CDK14: variants seen among roughly 807,000 people sequenced by gnomAD.
CDK14 encodes the protein cyclin dependent kinase 14, also known as cyclin-dependent kinase 14.
CDK14 carries 34 observed loss-of-function variants against 60.7 expected under a neutral mutation model. The observed-to-expected ratio is 0.56, with a 90% CI of 0.43 to 0.75. The LOEUF (loss-of-function observed/expected upper bound fraction) is 0.75, where lower values mean the gene tolerates loss of function less well. CDK14 is among the 30% of genes least tolerant of loss of function. The pLI is 0.00. For synonymous variants in CDK14, 197 were observed against 203.7 expected, an observed-to-expected ratio of 0.97 and a Z score of 0.28; for missense variants, 482 against 564.1, an observed-to-expected ratio of 0.85 and a Z score of 1.47.
intron 2 of CDK14, among the ~76,000 whole-genome samples, chr7:90,642,048 G>T (rs1011208807): frequency 6.6e-6 from 1 of 152,136 alleles, no homozygotes; most frequent in Non-Finnish European, 1.5e-5. Context: ...TCTCCCACTG[G>T]CTCCCTCCCA....
chr7:90,893,456 A>C (rs148487753), intron 6 of CDK14, among the ~76,000 whole-genome samples: 211 of 152,266 alleles, frequency 1.4e-3, no homozygotes, highest in Non-Finnish European at 2.5e-3. Flanking sequence ...GCTTATTAGT[A>C]TGTCATCACA....
intron 8 of CDK14, among the ~76,000 whole-genome samples, chr7:90,939,945 G>T (rs901962768): frequency 6.6e-6 from 1 of 152,160 alleles, no homozygotes; most frequent in Admixed American, 6.5e-5. Context: ...TGCCATGAAA[G>T]CCTGTCATTT....
chr7:91,045,902 T>G lies in CDK14; in HGVS notation c.1047T>G (p.Leu349=). ...QDQLERIFLV[L]GTPNEDTWPG... ...AATCTCCTACTCTCCACTAGGTTCT[T>G]GGAACACCAAATGAGGACACATGGC... Residue 349 remains leucine, a synonymous_variant, in exon 11 of 15, where the codon CTT becomes CTG. Transcript: ENST00000380050. The G allele has an allele frequency of 6.2e-7, 1 of 1,608,274 alleles. No individual in the cohort carries two copies. Among genetic ancestry groups the G allele is most frequent in the Non-Finnish European group, 8.5e-7 (1 of 1,174,786 alleles).
chr7:91,127,022 CA>C (rs1313453188), intron 14 of CDK14, among the ~76,000 whole-genome samples: 1 of 152,052 alleles, frequency 6.6e-6, no homozygotes, highest in African/African-American at 2.4e-5. Flanking sequence ...GACTTCGAGG[CA>C]GGGGGTGCCA....
At chr7:90,789,209 T>G (rs910943114) in intron 4 of CDK14, among the ~76,000 whole-genome samples, 2 of 152,206 alleles carry the variant, frequency 1.3e-5, no homozygotes, top group African/African-American at 4.8e-5. Flanking sequence ...CTTAGTATGC[T>G]ATACTCATAC....
intron 5 of CDK14, among the ~76,000 whole-genome samples, chr7:90,807,002 A>T (rs915459116): frequency 4.6e-5 from 7 of 152,220 alleles, no homozygotes; most frequent in African/African-American, 1.7e-4. Flanking sequence ...ACTGCAGCTC[A>T]AGGAGGCCTG....
intron 14 of CDK14, among the ~76,000 whole-genome samples, chr7:91,166,214 A>T (rs1214319109): frequency 2.0e-5 from 3 of 152,250 alleles, no homozygotes; most frequent in Non-Finnish European, 4.4e-5. Context: ...AAGTCTAACA[A>T]ATTCATGTAG....
At position 90,914,431 on chromosome 7, in the gene CDK14, G is replaced by A. The variant is rs183878973; in HGVS notation, c.703-3170G>A. Among the ~76,000 whole-genome samples, 201 of 152,300 alleles carry A rather than the reference G, an allele frequency of 1.3e-3. 3 individuals are homozygous for A. Among genetic ancestry groups the A allele is most frequent in the Admixed American group, 0.013 (199 of 15,302 alleles). On this transcript the variant is annotated intron_variant, in intron 7 of 14. Transcript: ENST00000380050. ...GTGTGTCTGTCACACTGAGTTAGCTGTGAGTTCCTCAAGTCTAGGGACCAC... is the reference window on the plus strand; with the variant it reads ...GTGTGTCTGTCACACTGAGTTAGCTATGAGTTCCTCAAGTCTAGGGACCAC...
intron 11 of CDK14, among the ~76,000 whole-genome samples, chr7:91,046,495 G>A (rs1797240441): frequency 6.6e-6 from 1 of 152,114 alleles, no homozygotes; most frequent in South Asian, 2.1e-4. Flanking sequence ...TGAAAGAAAT[G>A]TGAACTTTTA....
chr7:91,149,932 G>T (rs1800783280), intron 14 of CDK14, among the ~76,000 whole-genome samples: 1 of 152,202 alleles, frequency 6.6e-6, no homozygotes, highest in African/African-American at 2.4e-5. Context: ...ACGCTCAGTT[G>T]TTGGCTAACA....
At chr7:90,992,012 G>T (rs1473779475) in intron 10 of CDK14, among the ~76,000 whole-genome samples, 2 of 152,226 alleles carry the variant, frequency 1.3e-5, no homozygotes, top group Admixed American at 1.3e-4. Context: ...GTGTTCAGAA[G>T]AGATCCAGTG....
At position 90,709,495 on chromosome 7, in the gene CDK14, A is replaced by G. The variant is rs373862904; in HGVS notation, c.124-17072A>G. 56 of 1,607,610 alleles carry G rather than the reference A, an allele frequency of 3.5e-5. No homozygotes were observed. The African/African-American group carries it at 6.4e-4, about 18-fold the overall frequency. On this transcript the variant is annotated intron_variant, in intron 2 of 14. Coordinates refer to ENST00000380050, the MANE Select transcript of CDK14 (RefSeq NM_001287135.2). ...CTGAAGCAGCCCTGCATTGCAAATC[A>G]ATATCTTTCTGAAAAGACAGTGTGT... is the stretch of plus-strand genomic sequence containing the variant.
rs530509604 is a variant in CDK14 at position 90,936,288 on chromosome 7, T to G, written c.826+18564T>G. On this transcript the variant is annotated intron_variant, in intron 8 of 14. Transcript: ENST00000380050. ...GTTTATTTGTTGTCCCAAATGAAGTTCATAGAAAAGTGGAGATTTATGTGA... is the reference window on the plus strand; with the variant it reads ...GTTTATTTGTTGTCCCAAATGAAGTGCATAGAAAAGTGGAGATTTATGTGA... Among the ~76,000 whole-genome samples, 11 of 152,324 alleles carry G rather than the reference T, an allele frequency of 7.2e-5. No individual in the cohort carries two copies. The South Asian group carries it at 2.1e-3, about 29-fold the overall frequency.
chr7:91,048,960 G>A (rs1186352449), intron 11 of CDK14, among the ~76,000 whole-genome samples: 6 of 151,924 alleles, frequency 3.9e-5, no homozygotes, highest in African/African-American at 1.5e-4. Flanking sequence ...CTGCAGCCTC[G>A]ACCTTCCAGG....
intron 6 of CDK14, among the ~76,000 whole-genome samples, chr7:90,877,483 CCTTT>C (rs763187291): frequency 7.9e-5 from 12 of 152,082 alleles, no homozygotes; most frequent in Non-Finnish European, 1.5e-4. Flanking sequence ...TTGGGTTTTT[CCTTT>C]CTTCTCAAAT....
chr7:90,765,235 T>C (rs762183653), intron 4 of CDK14, among the ~76,000 whole-genome samples: 1 of 152,216 alleles, frequency 6.6e-6, no homozygotes, highest in South Asian at 2.1e-4. Flanking sequence ...AAACAGTGAC[T>C]TTTTTATTAA....
chr7:90,920,629 A>G (rs1338988519), intron 8 of CDK14, among the ~76,000 whole-genome samples: 1 of 152,226 alleles, frequency 6.6e-6, no homozygotes, highest in Non-Finnish European at 1.5e-5. Flanking sequence ...CTTTATATTT[A>G]TACATATAGA....
rs146541796 is a variant in CDK14, at chr7:90,610,061, A to C, written c.123+5812A>C. On this transcript the variant is annotated intron_variant, in intron 2 of 14. Transcript: ENST00000380050. The stretch of plus-strand genomic sequence containing the variant: ...TGTTTAGCTTTCTCACTGCTGCTGT[A>C]TTCCCTGTATCTTTTCTTTGCCGGC... Among the ~76,000 whole-genome samples the C allele has an allele frequency of 6.1e-3, 922 of 152,194 alleles. 8 individuals carry two copies. The highest frequency in any genetic ancestry group is 0.021 in the African/African-American group (886 of 41,544).
intron 5 of CDK14, among the ~76,000 whole-genome samples, chr7:90,809,650 C>A (rs1233102326): frequency 6.6e-6 from 1 of 151,950 alleles, no homozygotes; most frequent in African/African-American, 2.4e-5. Flanking sequence ...AATAGAGACA[C>A]AAAAAACCCT....
Sources: gnomAD v4.1 joint callset for allele counts (sites outside exome capture counted in the v4.1 genomes callset) on GRCh38, gnomAD v4.1.1 for gene constraint, MANE v1.5 for transcripts, NCBI Gene and HGNC (gene_info 2026-07-23, HGNC 2026-07-21) for gene names.